ENTPD4: variants seen among roughly 807,000 people sequenced by gnomAD.
ENTPD4 encodes the protein Golgi UDPase.
Under a neutral mutation model 79.1 loss-of-function variants are expected in ENTPD4, and 60 were observed. The observed-to-expected ratio is 0.76, with a 90% CI of 0.62 to 0.94. ENTPD4 has a LOEUF of 0.94. Among genes scored for constraint, ENTPD4 ranks in the 40% least tolerant of loss-of-function variants. The pLI, the probability that ENTPD4 is intolerant of heterozygous loss-of-function variation, is 0.00. For missense variants in ENTPD4, 772 were observed against 775.1 expected (o/e 1.00, Z 0.05); for synonymous variants, 276 against 292.0 (o/e 0.95, Z 0.56).
At chr8:23,441,980 T>TA in intron 7 of ENTPD4, 27 bp downstream of exon 7, 1 of 1,583,618 alleles carries the variant, frequency 6.3e-7, no homozygotes, top group Non-Finnish European at 8.7e-7. Flanking sequence ...TCCAACTAGA[T>TA]ACATTTGTTG....
intron 1 of ENTPD4, among the ~76,000 whole-genome samples, chr8:23,452,052 T>C (rs973208470): frequency 6.6e-6 from 1 of 152,236 alleles, no homozygotes; most frequent in Non-Finnish European, 1.5e-5. Flanking sequence ...ACTTTATGGA[T>C]GAGGCAGAGA....
rs1392454269 is a variant in ENTPD4, at chr8:23,433,146, T to A, written c.1631A>T (p.Gln544Leu). ...GTGACTGGCTCGGAAGGCCTCCTGCTGGATGTCTCTGCCCATGTGAACACC... is the reference window on the plus strand; with the variant it reads ...GTGACTGGCTCGGAAGGCCTCCTGCAGGATGTCTCTGCCCATGTGAACACC... ...RTRFLPLRDI[Q>L]QEAFRASHTH... is the part of the protein sequence containing the mutation. The change falls in exon 13 of 13, where the codon CAG becomes CTG. Residue 544 changes from glutamine to leucine, a missense_variant. Coordinates refer to ENST00000358689, the MANE Select transcript of ENTPD4 (RefSeq NM_004901.5). 1 of 1,614,038 alleles carries A rather than the reference T, an allele frequency of 6.2e-7. No homozygotes were observed. Among genetic ancestry groups the A allele is most frequent in the South Asian group, 1.1e-5 (1 of 91,084 alleles).
At position 23,430,302 on chromosome 8, in the gene ENTPD4, G is replaced by A. The variant is rs1800432756; in HGVS notation, c.*2624C>T. On this transcript the variant is annotated 3_prime_UTR_variant, in exon 13 of 13. Coordinates refer to ENST00000358689, the MANE Select transcript of ENTPD4 (RefSeq NM_004901.5). ...ATTTTGGGTGAGGGGCAGGTTTCTT[G>A]GTTTGTTTCAAAACTCATCTTGAAA... 1 of 985,250 alleles carries A rather than the reference G, an allele frequency of 1.0e-6. No homozygotes were observed. The highest frequency in any genetic ancestry group is 1.2e-6 in the Non-Finnish European group (1 of 829,922). 61.0% of individuals were successfully genotyped at this position (985,250 alleles called of 1,614,324 possible). A position where few individuals can be genotyped will look rare whatever the true frequency, so the allele number is the denominator to read the frequency against.
intron 4 of ENTPD4, among the ~76,000 whole-genome samples, chr8:23,445,903 G>A (rs1047621228): frequency 6.6e-6 from 1 of 152,108 alleles, no homozygotes; most frequent in Non-Finnish European, 1.5e-5. Flanking sequence ...AAAATGAGGG[G>A]CGCTTTAGAA....
intron 5 of ENTPD4, among the ~76,000 whole-genome samples, chr8:23,444,178 T>C (rs1250723540): frequency 2.0e-5 from 3 of 152,222 alleles, no homozygotes; most frequent in African/African-American, 7.2e-5. Context: ...GATGTAAAAC[T>C]ACAACTGCAA....
chr8:23,446,891 C>A (rs1349473819), intron 4 of ENTPD4, among the ~76,000 whole-genome samples: 1 of 152,018 alleles, frequency 6.6e-6, no homozygotes. Context: ...AGATAAATTT[C>A]TTGGATTGTT....
rs1044531777 is a variant in ENTPD4, at chr8:23,432,312, C to T, written c.*614G>A. ...CTGACAGAATGCATCTTTCCACCTC[C>T]CTCCAGTATCAAAGTGCATGTGTTT... On this transcript the variant is annotated 3_prime_UTR_variant, in exon 13 of 13. Coordinates refer to ENST00000358689, the MANE Select transcript of ENTPD4 (RefSeq NM_004901.5). 291 of 985,296 alleles carry T rather than the reference C, an allele frequency of 3.0e-4. No homozygotes were observed. Among genetic ancestry groups the T allele is most frequent in the Non-Finnish European group, 3.3e-4 (274 of 829,976 alleles). The allele number at this position is 985,296 out of a possible 1,614,324, so 61.0% of individuals were successfully genotyped here. A position where few individuals can be genotyped will look rare whatever the true frequency, so the allele number is the denominator to read the frequency against.
At chr8:23,438,555 T>C (rs986469613) in intron 9 of ENTPD4, among the ~76,000 whole-genome samples, 93 of 152,352 alleles carry the variant, frequency 6.1e-4, no homozygotes, top group African/African-American at 2.2e-3. Flanking sequence ...TTTTTAGTTG[T>C]CCTATATCTA....
chr8:23,439,624 G>A (rs1800632272), intron 9 of ENTPD4, 125 bp downstream of exon 9: 1 of 846,306 alleles, frequency 1.2e-6, no homozygotes. Flanking sequence ...GCTAGTGGGG[G>A]AATAAAAAGC....
rs2117268329 is a variant in ENTPD4 at position 23,430,570 on chromosome 8, T to C, written c.*2356A>G. ...TTTACAGGCCACATATAGTGTCTGC[T>C]GCATATTCTTCAACGTTTTTTCTTA... On this transcript the variant is annotated 3_prime_UTR_variant, in exon 13 of 13. Transcript: ENST00000358689. The C allele has an allele frequency of 1.0e-6, 1 of 984,282 alleles. No homozygotes were observed. Among genetic ancestry groups the C allele is most frequent in the South Asian group, 4.7e-5 (1 of 21,264 alleles). 61.0% of individuals were successfully genotyped at this position (984,282 alleles called of 1,614,324 possible). A position where few individuals can be genotyped will look rare whatever the true frequency, so the allele number is the denominator to read the frequency against.
intron 12 of ENTPD4, among the ~76,000 whole-genome samples, chr8:23,433,749 A>G (rs1176751798): frequency 6.6e-6 from 1 of 152,234 alleles, no homozygotes; most frequent in Non-Finnish European, 1.5e-5. Flanking sequence ...GTTACTAACG[A>G]AAATCACAGA....
intron 9 of ENTPD4, 129 bp downstream of exon 9, chr8:23,439,620 G>C (rs118161787): frequency 0.013 from 11,075 of 820,500 alleles, 138 homozygotes; most frequent in Non-Finnish European, 0.015. Flanking sequence ...CTCAGCTAGT[G>C]GGGGAATAAA....
Position 23,439,750 on chromosome 8 carries a change from T to C in ENTPD4, c.1048A>G (p.Arg350Gly). ...GCCAAGTAGTGAAAGGTGCTTTACC[T>C]GTTCTTTTGAATGGTGTTGGCAAAT... Reference protein sequence around the residue: ...RIFANTIQKNRLLGKQTGLTP... With the variant: ...RIFANTIQKNGLLGKQTGLTP... Residue 350 changes from arginine (R) to glycine (G), a missense_variant and splice_region_variant, in exon 9 of 13, where the codon AGG (arginine) becomes GGG (glycine). Transcript: ENST00000358689. 1 of 1,614,150 alleles carries C rather than the reference T, an allele frequency of 6.2e-7. No homozygotes were observed. Among genetic ancestry groups the C allele is most frequent in the Admixed American group, 1.7e-5 (1 of 60,024 alleles).
rs938511647 is a variant in ENTPD4, at chr8:23,436,244, G to A, written c.1374+690C>T. 1.2e-4 allele frequency among the ~76,000 whole-genome samples: 19 copies of A among 152,350 alleles called. 1 individual carries two copies. In the East Asian group the frequency reaches 1.5e-3, roughly 12 times the overall value. ...AGATGGGTTTGAGAAATACTTGGAA[G>A]ATAAAATACCACACTTGTGACTGAT... On this transcript the variant is annotated intron_variant, in intron 10 of 12. Transcript: ENST00000358689.
intron 8 of ENTPD4, among the ~76,000 whole-genome samples, chr8:23,440,708 C>T (rs775628627): frequency 1.3e-5 from 2 of 152,192 alleles, no homozygotes; most frequent in Non-Finnish European, 2.9e-5. Context: ...ATACTAGCTG[C>T]CTGGCAGTGC....
Position 23,433,147 on chromosome 8 carries a change from G to C in ENTPD4, c.1630C>G (p.Gln544Glu), listed in dbSNP as rs1333617786. The C allele has an allele frequency of 1.9e-6, 3 of 1,613,898 alleles. No homozygotes were observed. In the East Asian group the frequency reaches 6.7e-5, roughly 36 times the overall value. ...RTRFLPLRDI[Q>E]QEAFRASHTH... Reference sequence around the variant, plus strand: ...TGACTGGCTCGGAAGGCCTCCTGCTGGATGTCTCTGCCCATGTGAACACCA... The same window carrying C: ...TGACTGGCTCGGAAGGCCTCCTGCTCGATGTCTCTGCCCATGTGAACACCA... The change falls in exon 13 of 13, where the codon CAG becomes GAG. Residue 544 changes from glutamine to glutamate, a missense_variant. Coordinates refer to ENST00000358689, the MANE Select transcript of ENTPD4 (RefSeq NM_004901.5).
intron 11 of ENTPD4, 53 bp from the exon 12 acceptor site, chr8:23,434,531 G>A: frequency 1.4e-6 from 2 of 1,476,426 alleles, no homozygotes; most frequent in Non-Finnish European, 1.9e-6. Context: ...TGTCAAGATG[G>A]CACACACACA....
rs1800476619 is a variant in ENTPD4 at position 23,432,699 on chromosome 8, CGTGTTAG to C, written c.*220_*226del. 1 of 972,424 alleles carries C rather than the reference CGTGTTAG, an allele frequency of 1.0e-6. No individual in the cohort carries two copies. The highest frequency in any genetic ancestry group is 1.4e-6 in the Non-Finnish European group (1 of 726,694). The allele number at this position is 972,424 out of a possible 1,614,324, so 60.2% of individuals were successfully genotyped here. Reference sequence around the variant, plus strand: ...ATTTTTAGTAGAGACGGGGTTTCACCGTGTTAGCCAGGATGGTCTCGATCTCCTGACC... The same window carrying C: ...ATTTTTAGTAGAGACGGGGTTTCACCCCAGGATGGTCTCGATCTCCTGACC... On this transcript the variant is annotated 3_prime_UTR_variant, in exon 13 of 13. Transcript: ENST00000358689.
chr8:23,453,780 G>A (rs1563229631), intron 1 of ENTPD4, among the ~76,000 whole-genome samples: 2 of 152,066 alleles, frequency 1.3e-5, no homozygotes, highest in African/African-American at 4.8e-5. Flanking sequence ...CACACTTCCA[G>A]AAATTCATCT....
Sources: gnomAD v4.1 joint callset for allele counts (sites outside exome capture counted in the v4.1 genomes callset) on GRCh38, gnomAD v4.1.1 for gene constraint, MANE v1.5 for transcripts, NCBI Gene and HGNC (gene_info 2026-07-23, HGNC 2026-07-21) for gene names.